The following LARS2 variants were observed in gnomAD, a reference collection of about 807,000 sequenced individuals.
LARS2 encodes the protein leucyl-tRNA synthetase 2, mitochondrial.
In LARS2, 81 loss-of-function variants were observed where a neutral mutation model predicts 116.6. That is an observed-to-expected ratio of 0.69 (90% confidence interval 0.58 to 0.84). The LOEUF is 0.84. LARS2 is among the 40% of genes least tolerant of loss of function. The pLI is 0.00. For missense variants in LARS2, 968 were observed against 1,114.5 expected (o/e 0.87, Z 1.87); for synonymous variants, 396 against 407.2 (o/e 0.97, Z 0.33).
At chr3:45,427,451 A>G (rs1410433403) in intron 6 of LARS2, among the ~76,000 whole-genome samples, 1 of 152,176 alleles carries the variant, frequency 6.6e-6, no homozygotes, top group Non-Finnish European at 1.5e-5. Context: ...CATGCTTCCA[A>G]ACCTTATTAG....
chr3:45,492,425 A>G (rs868429578), intron 13 of LARS2, among the ~76,000 whole-genome samples: 9 of 152,398 alleles, frequency 5.9e-5, no homozygotes, highest in Middle Eastern at 3.4e-3. Context: ...ACCAAGTTCC[A>G]GTATTTTCCT....
intron 20 of LARS2, among the ~76,000 whole-genome samples, chr3:45,540,023 T>C (rs1458182673): frequency 1.3e-5 from 2 of 152,142 alleles, no homozygotes; most frequent in Non-Finnish European, 2.9e-5. Flanking sequence ...GTAATCCCAG[T>C]GCTTCGGGTG....
At chr3:45,543,143 C>A (rs528073394) in intron 21 of LARS2, among the ~76,000 whole-genome samples, 300 of 152,334 alleles carry the variant, frequency 2.0e-3, no homozygotes, top group African/African-American at 6.9e-3. Context: ...TCTCTGCCAC[C>A]CCACCCCAAG....
chr3:45,544,291 T>C (rs1488341929), intron 21 of LARS2, among the ~76,000 whole-genome samples: 1 of 152,250 alleles, frequency 6.6e-6, no homozygotes, highest in Non-Finnish European at 1.5e-5. Context: ...ACACACAGTT[T>C]ATGTAAGGGC....
intron 2 of LARS2, among the ~76,000 whole-genome samples, chr3:45,392,978 TTAGTC>T (rs1488408391): frequency 6.6e-6 from 1 of 152,230 alleles, no homozygotes; most frequent in Non-Finnish European, 1.5e-5. Flanking sequence ...TTTAGGCTAT[TTAGTC>T]TAGTATTTAT....
At chr3:45,527,824 G>T (rs1302083645) in intron 20 of LARS2, among the ~76,000 whole-genome samples, 1 of 152,146 alleles carries the variant, frequency 6.6e-6, no homozygotes, top group Non-Finnish European at 1.5e-5. Flanking sequence ...TATGTTTTCA[G>T]TGTGACTGTC....
chr3:45,488,235 C>T (rs925842537), intron 11 of LARS2, among the ~76,000 whole-genome samples: 1 of 152,090 alleles, frequency 6.6e-6, no homozygotes, highest in Non-Finnish European at 1.5e-5. Flanking sequence ...GAGTTTGAGA[C>T]CAGTCTGGTC....
intron 21 of LARS2, 75 bp from the exon 22 acceptor site, chr3:45,547,276 A>G: frequency 1.3e-5 from 17 of 1,324,118 alleles, no homozygotes; most frequent in Non-Finnish European, 1.7e-5. Context: ...CTTTACAGGC[A>G]GGAGGTTTGG....
chr3:45,528,089 C>T (rs901443612), intron 20 of LARS2, among the ~76,000 whole-genome samples: 6 of 152,186 alleles, frequency 3.9e-5, no homozygotes, highest in Non-Finnish European at 4.4e-5. Flanking sequence ...GTAATCCCAG[C>T]ACTTTGGAAG....
intron 20 of LARS2, among the ~76,000 whole-genome samples, chr3:45,541,433 G>C (rs1045681327): frequency 6.6e-6 from 1 of 152,218 alleles, no homozygotes; most frequent in African/African-American, 2.4e-5. Context: ...GGCATTCTCA[G>C]ACCATAGAAT....
chr3:45,518,119 C>G, intron 18 of LARS2, 47 bp downstream of exon 18: 1 of 1,473,844 alleles, frequency 6.8e-7, no homozygotes, highest in Non-Finnish European at 9.3e-7. Flanking sequence ...ACCAAGCACT[C>G]TTTGGGAACC....
intron 8 of LARS2, among the ~76,000 whole-genome samples, chr3:45,461,108 A>G (rs376733385): frequency 1.3e-5 from 2 of 152,348 alleles, no homozygotes; most frequent in East Asian, 3.9e-4. Flanking sequence ...TTAGTAAATA[A>G]AGCCAAAGAC....
rs569920422 is a variant in LARS2, at chr3:45,463,314, C to T, written c.750+4428C>T. On this transcript the variant is annotated intron_variant, in intron 8 of 21. Coordinates refer to ENST00000645846, the MANE Select transcript of LARS2 (RefSeq NM_015340.4). ...GCTTTCAGCCCCTGGGCACCATGCA[C>T]GCGCCCCTCCTTGGTGTTAAATGGA... Among the ~76,000 whole-genome samples, 474 of 152,332 alleles carry T rather than the reference C, an allele frequency of 3.1e-3. 5 individuals are homozygous for T. Among genetic ancestry groups the T allele is most frequent in the African/African-American group, 0.011 (439 of 41,568 alleles).
intron 7 of LARS2, among the ~76,000 whole-genome samples, chr3:45,452,437 A>G (rs1017079924): frequency 6.6e-6 from 1 of 151,456 alleles, no homozygotes; most frequent in African/African-American, 2.4e-5. Context: ...CTTTTTTAGC[A>G]TCTATGGAAA....
intron 6 of LARS2, among the ~76,000 whole-genome samples, chr3:45,423,733 T>G (rs1698550144): frequency 6.6e-6 from 1 of 152,236 alleles, no homozygotes; most frequent in Non-Finnish European, 1.5e-5. Context: ...AACCGTTCAT[T>G]TAAAATTTTT....
intron 21 of LARS2, among the ~76,000 whole-genome samples, chr3:45,544,850 G>A (rs17077992): frequency 0.02 from 3,080 of 152,200 alleles, 92 homozygotes; most frequent in African/African-American, 0.067. Context: ...GAAGGGTGTC[G>A]CAATACCAGG....
At chr3:45,438,349 C>G (rs11929664) in intron 6 of LARS2, among the ~76,000 whole-genome samples, 18,527 of 152,082 alleles carry the variant, frequency 0.12, 1,393 homozygotes, top group Middle Eastern at 0.2. Context: ...TGATGCCCCT[C>G]TAAATCCAGA....
At chr3:45,389,427 G>C (rs1007157256) in intron 1 of LARS2, among the ~76,000 whole-genome samples, 4 of 152,130 alleles carry the variant, frequency 2.6e-5, no homozygotes, top group African/African-American at 9.7e-5. Context: ...GCGTCCCAGC[G>C]CCTCTTCCGT....
At chr3:45,497,295 G>GC (rs1206793994) in intron 14 of LARS2, among the ~76,000 whole-genome samples, 158 of 148,348 alleles carry the variant, frequency 1.1e-3, no homozygotes, top group East Asian at 1.2e-3. Flanking sequence ...TTTGAACCCC[G>GC]CCCCCCCCAA....
Sources: allele counts gnomAD v4.1 joint callset (sites outside exome capture counted in the v4.1 genomes callset), GRCh38; gene constraint gnomAD v4.1.1; transcripts MANE v1.5; gene names NCBI Gene and HGNC (gene_info 2026-07-23, HGNC 2026-07-21).